Variants in PRKN observed in about 807,000 individuals in gnomAD.
PRKN encodes E3 ubiquitin-protein ligase parkin.
Under a neutral mutation model 59.5 loss-of-function variants are expected in PRKN, and 56 were observed. The ratio of observed to expected loss-of-function variants is 0.94; its 90% CI spans 0.76 to 1.18. The LOEUF is 1.18. Among genes scored for constraint, PRKN ranks in the 50% most tolerant of loss-of-function variants. The pLI, the probability that PRKN is intolerant of heterozygous loss-of-function variation, is 0.00. For synonymous variants in PRKN, 250 were observed against 222.1 expected (o/e 1.13, Z -1.12); for missense variants, 657 against 596.4 (o/e 1.10, Z -1.06).
At chr6:161,750,324 C>T (rs1291550482) in intron 7 of PRKN, among the ~76,000 whole-genome samples, 2 of 152,104 alleles carry the variant, frequency 1.3e-5, no homozygotes, top group African/African-American at 2.4e-5. Context: ...TTTCTTTCCA[C>T]ACTTTCTGCT....
chr6:161,485,983 A>G (rs1562480899), intron 9 of PRKN, among the ~76,000 whole-genome samples: 1 of 152,090 alleles, frequency 6.6e-6, no homozygotes, highest in Non-Finnish European at 1.5e-5. Flanking sequence ...TGGACTGTGA[A>G]AGTTCTAAGG....
rs1475296372 is a variant in PRKN at position 161,378,993 on chromosome 6, A to G, written c.1167+7801T>C. Among the ~76,000 whole-genome samples the G allele has an allele frequency of 6.6e-6, 1 of 152,186 alleles. No individual in the cohort carries two copies. On this transcript the variant is annotated intron_variant, in intron 10 of 11. Coordinates refer to ENST00000366898, the MANE Select transcript of PRKN (RefSeq NM_004562.3). The surrounding 1 kb of genome is among the most constrained non-coding windows in gnomAD (Gnocchi z 7.3). Reference sequence around the variant, plus strand: ...AGTACTTTTGCCAGAGAACACAGCAAGAGTTCTGGTCACTTTATGTTGCAT... The same window carrying G: ...AGTACTTTTGCCAGAGAACACAGCAGGAGTTCTGGTCACTTTATGTTGCAT...
chr6:161,940,718 G>C (rs1264325974), intron 6 of PRKN, among the ~76,000 whole-genome samples: 1 of 152,162 alleles, frequency 6.6e-6, no homozygotes, highest in East Asian at 1.9e-4. Flanking sequence ...AGAAGAGCCG[G>C]AAAGTGACTG....
At chr6:162,641,833 G>C (rs1223690332) in intron 1 of PRKN, among the ~76,000 whole-genome samples, 1 of 151,998 alleles carries the variant, frequency 6.6e-6, no homozygotes, top group Non-Finnish European at 1.5e-5. Context: ...TATATCTTGT[G>C]AATAATTCTA....
chr6:161,382,986 G>A (rs1190171356), intron 10 of PRKN, among the ~76,000 whole-genome samples: 1 of 152,152 alleles, frequency 6.6e-6, no homozygotes, highest in African/African-American at 2.4e-5. Context: ...GCAACTGAAT[G>A]GAATTGAAAG....
chr6:161,406,599 GTA>G (rs1405420958), intron 9 of PRKN, among the ~76,000 whole-genome samples: 4 of 150,702 alleles, frequency 2.7e-5, no homozygotes, highest in African/African-American at 9.7e-5. Flanking sequence ...TGGCTTCTTA[GTA>G]TTAGCCCGAA....
intron 2 of PRKN, among the ~76,000 whole-genome samples, chr6:162,377,138 T>C (rs942794884): frequency 6.6e-6 from 1 of 152,162 alleles, no homozygotes; most frequent in Non-Finnish European, 1.5e-5. Flanking sequence ...CTCATTTCCC[T>C]GTGCATCCAT....
chr6:161,977,641 G>GAT (rs1276620502), intron 5 of PRKN, among the ~76,000 whole-genome samples: 5 of 150,416 alleles, frequency 3.3e-5, no homozygotes, highest in Non-Finnish European at 5.9e-5. Flanking sequence ...CCACCTCCCG[G>GAT]GTTCACGCCA....
chr6:162,140,552 C>T (rs961955369), intron 4 of PRKN, among the ~76,000 whole-genome samples: 4 of 152,128 alleles, frequency 2.6e-5, no homozygotes, highest in East Asian at 3.9e-4. Flanking sequence ...TCTGCTTTTC[C>T]GGCTTTCTTC....
intron 2 of PRKN, among the ~76,000 whole-genome samples, chr6:162,386,331 T>C (rs1160818250): frequency 6.6e-6 from 1 of 152,244 alleles, no homozygotes; most frequent in East Asian, 1.9e-4. Context: ...TATAATTTTA[T>C]GTCAAGTTTA....
At chr6:161,604,769 T>C (rs1782219368) in intron 7 of PRKN, among the ~76,000 whole-genome samples, 1 of 152,148 alleles carries the variant, frequency 6.6e-6, no homozygotes, top group Admixed American at 6.5e-5. Context: ...ACCCTGTCTC[T>C]ACCAAAAATA....
Position 162,454,974 on chromosome 6 carries a change from T to C in PRKN, c.8-11501A>G, listed in dbSNP as rs1330703421. Among the ~76,000 whole-genome samples, 3 of 152,336 alleles carry C rather than the reference T, an allele frequency of 2.0e-5. No individual in the cohort carries two copies. In the East Asian group the frequency reaches 5.8e-4, roughly 29 times the overall value. On this transcript the variant is annotated intron_variant, in intron 1 of 11. Transcript: ENST00000366898. ...GATGTATTTTTTAGCCATTTCGGAC[T>C]GTGTTTTCAGCACGTGGGTTGAGTT...
At chr6:162,085,769 C>T (rs540908568) in intron 4 of PRKN, among the ~76,000 whole-genome samples, 9 of 152,088 alleles carry the variant, frequency 5.9e-5, no homozygotes, top group Non-Finnish European at 7.3e-5. Context: ...GTTACATTCC[C>T]ATCTTACTGT....
intron 1 of PRKN, among the ~76,000 whole-genome samples, chr6:162,563,604 G>C (rs1407453420): frequency 6.6e-6 from 1 of 152,128 alleles, no homozygotes; most frequent in East Asian, 1.9e-4. Context: ...TCAATGCCCA[G>C]ACACCAAAGA....
chr6:161,525,949 A>G lies in PRKN; in HGVS notation c.1083+22905T>C, dbSNP rs957883594. ...CTAATTATACCAATGTCTCAAATAT[A>G]TAACAAATATAACAGAAAAGATTAA... On this transcript the variant is annotated intron_variant, in intron 9 of 11. Coordinates refer to ENST00000366898, the MANE Select transcript of PRKN (RefSeq NM_004562.3). The surrounding 1 kb of genome is among the most constrained non-coding windows in gnomAD (Gnocchi z 4.7). Among the ~76,000 whole-genome samples the G allele has an allele frequency of 6.6e-6, 1 of 152,224 alleles. No individual in the cohort carries two copies. The highest frequency in any genetic ancestry group is 2.4e-5 in the African/African-American group (1 of 41,460).
At chr6:161,522,255 C>T (rs533242166) in intron 9 of PRKN, among the ~76,000 whole-genome samples, 1 of 152,220 alleles carries the variant, frequency 6.6e-6, no homozygotes, top group Non-Finnish European at 1.5e-5. Flanking sequence ...GGGCTGACTC[C>T]CCACAAGAGA....
intron 3 of PRKN, among the ~76,000 whole-genome samples, chr6:162,255,922 A>C (rs1779622086): frequency 6.6e-6 from 1 of 152,200 alleles, no homozygotes; most frequent in African/African-American, 2.4e-5. Flanking sequence ...CCCTTCTTAC[A>C]GGAAGCAAAT....
intron 7 of PRKN, among the ~76,000 whole-genome samples, chr6:161,720,611 C>T (rs1170861237): frequency 6.6e-6 from 1 of 152,082 alleles, no homozygotes; most frequent in Admixed American, 6.5e-5. Flanking sequence ...AGACAATGTG[C>T]AACTGTCTTC....
chr6:162,507,905 T>C (rs1211678892), intron 1 of PRKN, among the ~76,000 whole-genome samples: 2 of 152,132 alleles, frequency 1.3e-5, no homozygotes, highest in African/African-American at 2.4e-5. Context: ...CTCAACGAAG[T>C]AGAACAGAAA....
Sources: gnomAD v4.1 joint callset for allele counts (sites outside exome capture counted in the v4.1 genomes callset) on GRCh38, gnomAD v4.1.1 for gene constraint, Gnocchi (gnomAD v3.1) non-coding constraint, MANE v1.5 for transcripts, NCBI Gene and HGNC (gene_info 2026-07-23, HGNC 2026-07-21) for gene names.